TANGO6: variants seen among roughly 807,000 people sequenced by gnomAD.
TANGO6 encodes transport and Golgi organization protein 6 homolog.
TANGO6 carries 90 observed loss-of-function variants against 114.2 expected under a neutral mutation model. That is an observed-to-expected ratio of 0.79 (90% CI 0.66 to 0.94). The LOEUF is 0.94. Among genes scored for constraint, TANGO6 ranks in the 40% least tolerant of loss-of-function variants. The probability of loss-of-function intolerance (pLI) is 0.00; values close to 1 mark genes in which losing one functional copy is unlikely to be tolerated. For synonymous variants in TANGO6, 477 were observed against 509.8 expected (o/e 0.94, Z 0.87); for missense variants, 1,274 against 1,315.3 (o/e 0.97, Z 0.49).
Position 68,902,394 on chromosome 16 carries a change from C to T in TANGO6, c.1557C>T (p.Ser519=), listed in dbSNP as rs748492317. ...GKLERKKAIA[S]LKGFAGLDKA... ...TGGAAAGGAAGAAGGCAATTGCCAG[C>T]CTGAAAGGATTTGCAGGGTTGGACA... Residue 519 remains serine, a synonymous_variant, in exon 9 of 18, where the codon AGC becomes AGT. Coordinates refer to ENST00000261778, the MANE Select transcript of TANGO6 (RefSeq NM_024562.2). 5 of 1,613,704 alleles carry T rather than the reference C, an allele frequency of 3.1e-6. No homozygotes were observed. The Admixed American group carries it at 8.3e-5, about 27-fold the overall frequency.
At chr16:68,913,555 C>T (rs1962958264) in intron 11 of TANGO6, among the ~76,000 whole-genome samples, 1 of 151,412 alleles carries the variant, frequency 6.6e-6, no homozygotes, top group South Asian at 2.1e-4. Context: ...ATTATAGGCA[C>T]CTGACACCAT....
At chr16:69,038,329 C>G (rs1959722661) in intron 16 of TANGO6, among the ~76,000 whole-genome samples, 1 of 151,980 alleles carries the variant, frequency 6.6e-6, no homozygotes, top group South Asian at 2.1e-4. Flanking sequence ...ACTCAGGAGA[C>G]TGAGGCACCA....
intron 1 of TANGO6, among the ~76,000 whole-genome samples, chr16:68,845,031 A>ATGTG (rs1961781878): frequency 6.7e-6 from 1 of 148,904 alleles, no homozygotes; most frequent in Non-Finnish European, 1.5e-5. Flanking sequence ...GCAGTGGCAC[A>ATGTG]ATCTCGGCTC....
chr16:68,896,612 A>G (rs868642642), intron 7 of TANGO6, among the ~76,000 whole-genome samples: 33 of 152,128 alleles, frequency 2.2e-4, no homozygotes, highest in African/African-American at 8.0e-4. Flanking sequence ...CCCAGCCCAA[A>G]ACTTGTAAAG....
At chr16:68,890,324 C>G (rs1962594946) in intron 7 of TANGO6, among the ~76,000 whole-genome samples, 10 of 152,166 alleles carry the variant, frequency 6.6e-5, no homozygotes, top group Admixed American at 6.5e-4. Flanking sequence ...TTCACAAAAT[C>G]TTTTAACATG....
At position 69,006,007 on chromosome 16, in the gene TANGO6, A is replaced by G. The variant is rs530068602; in HGVS notation, c.2843-16821A>G. ...TAGAAGGCTTTTACAAATGTTACTC[A>G]TTAAATGGCCGGCTTTGAAGCAGTA... On this transcript the variant is annotated intron_variant, in intron 15 of 17. Coordinates refer to ENST00000261778, the MANE Select transcript of TANGO6 (RefSeq NM_024562.2). Among the ~76,000 whole-genome samples the G allele has an allele frequency of 4.3e-4, 65 of 152,372 alleles. 1 individual carries two copies. Among genetic ancestry groups the G allele is most frequent in the Non-Finnish European group, 7.2e-4 (49 of 68,038 alleles).
At chr16:68,962,686 G>A (rs964257901) in intron 14 of TANGO6, among the ~76,000 whole-genome samples, 14 of 152,094 alleles carry the variant, frequency 9.2e-5, no homozygotes, top group Admixed American at 3.3e-4. Context: ...GCTTGAACCT[G>A]GGAGGCAGAG....
intron 7 of TANGO6, among the ~76,000 whole-genome samples, chr16:68,895,804 TAAAAG>T (rs1370913306): frequency 1.3e-5 from 2 of 152,196 alleles, no homozygotes; most frequent in Non-Finnish European, 2.9e-5. Flanking sequence ...TTAAGGCAGA[TAAAAG>T]AAACTGTATT....
At chr16:69,017,176 A>G (rs1190256006) in intron 15 of TANGO6, among the ~76,000 whole-genome samples, 2 of 152,192 alleles carry the variant, frequency 1.3e-5, no homozygotes, top group Non-Finnish European at 2.9e-5. Context: ...AACATTACTC[A>G]TAAAAGTCCC....
chr16:68,877,526 T>G (rs1229011602), intron 5 of TANGO6, among the ~76,000 whole-genome samples: 2 of 151,724 alleles, frequency 1.3e-5, no homozygotes. Context: ...ATATTCCCTA[T>G]GCGTATGCCT....
intron 17 of TANGO6, among the ~76,000 whole-genome samples, chr16:69,065,155 T>C (rs1468893214): frequency 6.6e-6 from 1 of 152,188 alleles, no homozygotes; most frequent in East Asian, 1.9e-4. Context: ...CAGGTTGCTA[T>C]TTAAAGACAT....
intron 16 of TANGO6, among the ~76,000 whole-genome samples, chr16:69,027,400 C>G (rs762042236): frequency 1.6e-4 from 24 of 152,134 alleles, no homozygotes; most frequent in Non-Finnish European, 2.5e-4. Flanking sequence ...TGAGGGATCA[C>G]CAGGGACAGC....
chr16:68,896,932 C>G (rs1031653873), intron 7 of TANGO6, among the ~76,000 whole-genome samples: 7 of 152,064 alleles, frequency 4.6e-5, no homozygotes, highest in African/African-American at 7.2e-5. Context: ...GAGATAGAGT[C>G]TTGCTCTATT....
intron 2 of TANGO6, 142 bp downstream of exon 2, chr16:68,860,666 C>A: frequency 1.7e-6 from 2 of 1,150,948 alleles, no homozygotes; most frequent in East Asian, 2.6e-5. Context: ...ATAAATGAAT[C>A]TTTTGGGGGT....
rs1962071033 is a variant in TANGO6, at chr16:68,860,270, C to A, written c.481C>A (p.Leu161Ile). The change falls in exon 2 of 18, where the codon CTC (leucine) becomes ATC (isoleucine). Residue 161 changes from leucine to isoleucine, a missense_variant. By Grantham distance (5) the Leu-to-Ile change is conservative. Transcript: ENST00000261778. ...AGTTACCTTGGGTATCTGCCCCTAT[C>A]TCATGCCTGGTGTTGGAGTCCCTTT... is the stretch of plus-strand genomic sequence containing the variant. ...FVVTLGICPYLMPGVGVPLRY... is the reference protein window; with the variant it reads ...FVVTLGICPYIMPGVGVPLRY... The A allele has an allele frequency of 6.2e-7, 1 of 1,613,986 alleles. No individual in the cohort carries two copies. Among genetic ancestry groups the A allele is most frequent in the African/African-American group, 1.3e-5 (1 of 75,046 alleles).
rs1485354866 is a variant in TANGO6 at position 68,900,651 on chromosome 16, T to C, written c.1490+105T>C. 1.9e-5 allele frequency: 18 copies of C among 950,734 alleles called. No homozygotes were observed. In the Admixed American group the frequency reaches 3.4e-4, roughly 18 times the overall value. 58.9% of individuals were successfully genotyped at this position (950,734 alleles called of 1,614,324 possible). ...TATATTTGCCACTTTGAAATTATCA[T>C]TTCCTTTCAAAGTCAGGAAAACACT... is the stretch of plus-strand genomic sequence containing the variant. On this transcript the variant is annotated intron_variant, in intron 8 of 17. Coordinates refer to ENST00000261778, the MANE Select transcript of TANGO6 (RefSeq NM_024562.2).
At chr16:69,027,898 A>G (rs901885607) in intron 16 of TANGO6, among the ~76,000 whole-genome samples, 4 of 151,942 alleles carry the variant, frequency 2.6e-5, no homozygotes, top group African/African-American at 7.3e-5. Context: ...CTCCTGCTAC[A>G]GCCTCCCAGG....
chr16:68,928,497 G>A (rs1366298773), intron 13 of TANGO6, among the ~76,000 whole-genome samples: 1 of 151,652 alleles, frequency 6.6e-6, no homozygotes, highest in Non-Finnish European at 1.5e-5. Flanking sequence ...GTAGAGACGG[G>A]CACCATGTTA....
intron 14 of TANGO6, among the ~76,000 whole-genome samples, chr16:68,968,072 A>T (rs180931336): frequency 0.019 from 2,807 of 147,972 alleles, 44 homozygotes; most frequent in Middle Eastern, 0.049. Context: ...TCGTAATAAC[A>T]TTTTTTTTTT....
Sources: allele counts gnomAD v4.1 joint callset (sites outside exome capture counted in the v4.1 genomes callset), GRCh38; gene constraint gnomAD v4.1.1; transcripts MANE v1.5; gene names NCBI Gene and HGNC (gene_info 2026-07-23, HGNC 2026-07-21).